DRAM1: variants seen among roughly 807,000 people sequenced by gnomAD.
DRAM1 encodes the protein DNA damage-regulated autophagy modulator protein 1.
A neutral mutation model predicts 28.5 loss-of-function variants in DRAM1; 25 were observed. The ratio of observed to expected loss-of-function variants is 0.88; its 90% confidence interval spans 0.64 to 1.23. DRAM1 has a LOEUF of 1.23. Among genes scored for constraint, DRAM1 ranks in the 50% most tolerant of loss-of-function variants. The probability of loss-of-function intolerance (pLI) is 0.00; values close to 1 mark genes in which losing one functional copy is unlikely to be tolerated. For missense variants in DRAM1, 249 were observed against 299.2 expected, an observed-to-expected ratio of 0.83 and a Z score of 1.24; for synonymous variants, 113 against 114.2, an observed-to-expected ratio of 0.99 and a Z score of 0.07.
chr12:101,879,961 A>G (rs1318984987), intron 1 of DRAM1, among the ~76,000 whole-genome samples: 1 of 151,704 alleles, frequency 6.6e-6, no homozygotes, highest in African/African-American at 2.4e-5. Context: ...ACTGCACTCC[A>G]GCCTGGTGAC....
At chr12:101,898,689 G>T (rs1460683768) in intron 2 of DRAM1, among the ~76,000 whole-genome samples, 2 of 152,162 alleles carry the variant, frequency 1.3e-5, no homozygotes, top group African/African-American at 2.4e-5. Context: ...GGGAGTGTGG[G>T]TTCCTGAAGA....
At position 101,908,611 on chromosome 12, in the gene DRAM1, A is replaced by G. The variant is rs1327237918; in HGVS notation, c.520+248A>G. Among the ~76,000 whole-genome samples, 7 of 152,180 alleles carry G rather than the reference A, an allele frequency of 4.6e-5. No homozygotes were observed. The East Asian group carries it at 1.4e-3, about 29-fold the overall frequency. Reference sequence around the variant, plus strand: ...ATGAGGGGGAATTCTGGCCAAACCAACCTAACAGGATTCTTATTGAGTACT... The same window carrying G: ...ATGAGGGGGAATTCTGGCCAAACCAGCCTAACAGGATTCTTATTGAGTACT... On this transcript the variant is annotated intron_variant, in intron 4 of 6. Transcript: ENST00000258534.
chr12:101,905,978 C>A (rs1021545975), intron 3 of DRAM1, among the ~76,000 whole-genome samples: 2 of 151,730 alleles, frequency 1.3e-5, no homozygotes, highest in Admixed American at 1.3e-4. Flanking sequence ...TTAGTAGATA[C>A]GCGGTTTCAC....
chr12:101,901,156 T>TCAGGAGGGA, intron 2 of DRAM1, 135 bp from the exon 3 acceptor site: 1 of 746,808 alleles, frequency 1.3e-6, no homozygotes, highest in Non-Finnish European at 2.1e-6. Flanking sequence ...TAAGATGGAG[T>TCAGGAGGGA]CAGGAGGGAC....
At chr12:101,896,628 A>G (rs1407996235) in intron 1 of DRAM1, among the ~76,000 whole-genome samples, 1 of 152,156 alleles carries the variant, frequency 6.6e-6, no homozygotes, top group Non-Finnish European at 1.5e-5. Flanking sequence ...CATGTCAAAC[A>G]GTATTTTCCA....
chr12:101,898,051 G>T (rs1387288129), intron 2 of DRAM1, 121 bp downstream of exon 2: 1 of 588,058 alleles, frequency 1.7e-6, no homozygotes. Context: ...CTGAGACAGG[G>T]TCTCTGTCAT....
chr12:101,909,710 G>T (rs578165861), intron 4 of DRAM1, among the ~76,000 whole-genome samples: 1 of 152,096 alleles, frequency 6.6e-6, no homozygotes, highest in African/African-American at 2.4e-5. Context: ...CAATCTGAAA[G>T]GAAATGAAAA....
intron 5 of DRAM1, among the ~76,000 whole-genome samples, chr12:101,917,636 A>G (rs1453880209): frequency 1.3e-5 from 2 of 151,442 alleles, no homozygotes; most frequent in East Asian, 3.9e-4. Flanking sequence ...GGAGGCTGCA[A>G]TGAGCCGAGA....
At chr12:101,884,136 C>T (rs1044094263) in intron 1 of DRAM1, among the ~76,000 whole-genome samples, 2 of 151,940 alleles carry the variant, frequency 1.3e-5, no homozygotes, top group Non-Finnish European at 2.9e-5. Flanking sequence ...CCTGTAATCC[C>T]AGCACTTTGG....
intron 3 of DRAM1, among the ~76,000 whole-genome samples, chr12:101,907,670 C>T (rs772055078): frequency 5.9e-5 from 9 of 152,128 alleles, no homozygotes; most frequent in African/African-American, 1.9e-4. Context: ...ACCTGGGTGG[C>T]GGAGGTTGCA....
chr12:101,889,964 A>G, intron 1 of DRAM1: 1 of 380,790 alleles, frequency 2.6e-6, no homozygotes, highest in Non-Finnish European at 5.0e-6. Context: ...AAAAAAAAAG[A>G]TGCCAGTAAT....
intron 3 of DRAM1, among the ~76,000 whole-genome samples, chr12:101,903,122 T>C (rs1395551085): frequency 1.3e-5 from 2 of 152,178 alleles, no homozygotes; most frequent in African/African-American, 4.8e-5. Flanking sequence ...TTTCCCCATG[T>C]TGGCCAGGCT....
At chr12:101,911,164 G>T (rs1236973698) in intron 4 of DRAM1, among the ~76,000 whole-genome samples, 1 of 152,124 alleles carries the variant, frequency 6.6e-6, no homozygotes, top group Non-Finnish European at 1.5e-5. Context: ...TGAACCAGGA[G>T]TGGGAGGTTA....
rs1320151352 is a variant in DRAM1 at position 101,922,094 on chromosome 12, TGC to T, written c.*835_*836del. Reference sequence around the variant, plus strand: ...AAGCTCACATCTCAAATTCATTTCATGCCAGTAAATGTGGCAAAGAGAAGAAA... The same window carrying T: ...AAGCTCACATCTCAAATTCATTTCATCAGTAAATGTGGCAAAGAGAAGAAA... On this transcript the variant is annotated 3_prime_UTR_variant, in exon 7 of 7. Coordinates refer to ENST00000258534, the MANE Select transcript of DRAM1 (RefSeq NM_018370.3). 1.3e-5 allele frequency: 2 copies of T among 152,236 alleles called. No individual in the cohort carries two copies. Among genetic ancestry groups the T allele is most frequent in the Non-Finnish European group, 2.9e-5 (2 of 68,056 alleles). 9.4% of individuals were successfully genotyped at this position (152,236 alleles called of 1,614,324 possible).
intron 2 of DRAM1, among the ~76,000 whole-genome samples, chr12:101,899,090 G>A (rs996630833): frequency 3.3e-5 from 5 of 152,172 alleles, no homozygotes; most frequent in Non-Finnish European, 5.9e-5. Context: ...AGTGTGAGAA[G>A]GGACAGTGAT....
At chr12:101,915,468 T>C (rs1874202070) in intron 5 of DRAM1, among the ~76,000 whole-genome samples, 1 of 152,038 alleles carries the variant, frequency 6.6e-6, no homozygotes, top group Admixed American at 6.6e-5. Context: ...GGGATAACTG[T>C]GCAAGGGTGT....
chr12:101,914,953 C>A (rs966429008), intron 5 of DRAM1, among the ~76,000 whole-genome samples: 30 of 146,892 alleles, frequency 2.0e-4, no homozygotes, highest in African/African-American at 7.3e-4. Flanking sequence ...CCACCGCACC[C>A]GTCCCTCTAA....
chr12:101,916,280 AG>A (rs1260907328), intron 5 of DRAM1, among the ~76,000 whole-genome samples: 2 of 152,232 alleles, frequency 1.3e-5, no homozygotes, highest in Non-Finnish European at 2.9e-5. Context: ...TGGGAGGCTG[AG>A]GCAGGAGGAT....
chr12:101,908,378 A>C lies in DRAM1; in HGVS notation c.520+15A>C. 6.3e-7 allele frequency: 1 copy of C among 1,598,988 alleles called. No individual in the cohort carries two copies. On this transcript the variant is annotated intron_variant, in intron 4 of 6. Transcript: ENST00000258534. The stretch of plus-strand genomic sequence containing the variant: ...TGTCATCCCCAGTATCCTTTTTCAC[A>C]TTTGTGCCTTGTTAAAGGAATAAAA...
Sources: allele counts gnomAD v4.1 joint callset (sites outside exome capture counted in the v4.1 genomes callset), GRCh38; gene constraint gnomAD v4.1.1; transcripts MANE v1.5; gene names NCBI Gene and HGNC (gene_info 2026-07-23, HGNC 2026-07-21).